The following TAB3 variants were observed in gnomAD, a reference collection of about 807,000 sequenced individuals.
TAB3 encodes TGF-beta-activated kinase 1 and MAP3K7-binding protein 3.
TAB3 carries 18 observed loss-of-function variants against 48.1 expected under a neutral mutation model. The observed-to-expected ratio is 0.37, with a 90% confidence interval of 0.26 to 0.55. The LOEUF is 0.55. TAB3 is among the 20% of genes least tolerant of loss of function. The pLI is 0.78. For missense variants in TAB3, 414 were observed against 549.8 expected, an observed-to-expected ratio of 0.75 and a Z score of 2.47; for synonymous variants, 185 against 190.2, an observed-to-expected ratio of 0.97 and a Z score of 0.22.
At chrX:30,839,326 A>T in intron 9 of TAB3, among the ~76,000 whole-genome samples, 1 of 112,202 alleles carries the variant, frequency 8.9e-6, no homozygotes, top group East Asian at 2.8e-4. Context: ...CTATACCAAG[A>T]TTATATTCCT....
rs1939997029 is a variant in TAB3, at chrX:30,881,460, A to G, written c.-383+7654T>C. 1.8e-5 allele frequency among the ~76,000 whole-genome samples: 2 copies of G among 111,625 alleles called. 1 individual carries two copies. The highest frequency in any genetic ancestry group is 7.4e-4 in the South Asian group (2 of 2,699). ...CTTCAGGGTAAAGCACAAAAATCAG[A>G]TAACAAAATTTTAAAAAGCAATATA... On this transcript the variant is annotated intron_variant, in intron 1 of 10. Transcript: ENST00000288422.
At chrX:30,885,401 T>C (rs1235816464) in intron 1 of TAB3, among the ~76,000 whole-genome samples, 4 of 111,927 alleles carry the variant, frequency 3.6e-5, no homozygotes, top group African/African-American at 6.5e-5. Context: ...CATTCCAACT[T>C]AGGATAACAG....
At chrX:30,860,069 T>C (rs969426262) in intron 4 of TAB3, among the ~76,000 whole-genome samples, 3 of 111,791 alleles carry the variant, frequency 2.7e-5, no homozygotes, top group Non-Finnish European at 5.7e-5. Flanking sequence ...CTGGCCACAT[T>C]TGCAACAATT....
intron 2 of TAB3, among the ~76,000 whole-genome samples, chrX:30,870,692 G>T: frequency 8.9e-6 from 1 of 112,500 alleles, no homozygotes; most frequent in East Asian, 2.8e-4. Flanking sequence ...CCAACCAGGG[G>T]TGACTTTTCC....
chrX:30,873,862 A>C (rs1177740489), intron 1 of TAB3, among the ~76,000 whole-genome samples: 1 of 111,624 alleles, frequency 9.0e-6, no homozygotes, highest in Non-Finnish European at 1.9e-5. Flanking sequence ...ATTACTAGTT[A>C]AGTTCTGGGG....
chrX:30,833,160 C>G (rs2147322530), intron 10 of TAB3, among the ~76,000 whole-genome samples: 1 of 108,662 alleles, frequency 9.2e-6, no homozygotes, highest in African/African-American at 3.4e-5. Flanking sequence ...TTAGTAGAGA[C>G]AGGGTTTCAC....
intron 7 of TAB3, among the ~76,000 whole-genome samples, chrX:30,847,464 C>G (rs1938665919): frequency 9.3e-6 from 1 of 107,347 alleles, no homozygotes; most frequent in Non-Finnish European, 1.9e-5. Flanking sequence ...CCTTTACTTC[C>G]CATGTCATCC....
At chrX:30,887,370 A>G (rs772317753) in intron 1 of TAB3, among the ~76,000 whole-genome samples, 2 of 110,011 alleles carry the variant, frequency 1.8e-5, no homozygotes, top group South Asian at 7.5e-4. Flanking sequence ...ATCTGAAAAG[A>G]AAAAAAAACC....
At chrX:30,850,987 C>T (rs1938824727) in intron 7 of TAB3, among the ~76,000 whole-genome samples, 1 of 111,416 alleles carries the variant, frequency 9.0e-6, no homozygotes, top group African/African-American at 3.3e-5. Flanking sequence ...TTCCAAAGTA[C>T]CCAACTACTA....
chrX:30,873,282 A>G (rs1169502545), intron 1 of TAB3, among the ~76,000 whole-genome samples: 2 of 111,159 alleles, frequency 1.8e-5, no homozygotes, highest in African/African-American at 6.6e-5. Flanking sequence ...TCACGCCTGT[A>G]ATCCCAGCAC....
At chrX:30,841,249 C>T (rs1445254771) in intron 9 of TAB3, among the ~76,000 whole-genome samples, 4 of 111,071 alleles carry the variant, frequency 3.6e-5, no homozygotes, top group South Asian at 3.8e-4. Context: ...GGTGAAACGC[C>T]GTCTCTACTA....
At chrX:30,857,177 C>T (rs754248225) in intron 5 of TAB3, among the ~76,000 whole-genome samples, 1 of 111,548 alleles carries the variant, frequency 9.0e-6, no homozygotes, top group East Asian at 2.8e-4. Flanking sequence ...TGACAAATGG[C>T]AATTATAATC....
intron 9 of TAB3, among the ~76,000 whole-genome samples, chrX:30,841,287 G>C (rs1404009610): frequency 9.0e-6 from 1 of 110,935 alleles, no homozygotes; most frequent in Non-Finnish European, 1.9e-5. Context: ...CGGGCATGGT[G>C]GTGGGTAATC....
chrX:30,867,042 A>C (rs1179525263), intron 4 of TAB3, 73 bp downstream of exon 4: 1 of 110,632 alleles, frequency 9.0e-6, no homozygotes, highest in East Asian at 2.8e-4. Flanking sequence ...TTCCTCCTTA[A>C]AACCCATAAC....
At chrX:30,859,050 T>C (rs1413338157) in intron 5 of TAB3, among the ~76,000 whole-genome samples, 1 of 111,603 alleles carries the variant, frequency 9.0e-6, no homozygotes, top group Non-Finnish European at 1.9e-5. Context: ...TAGGGACTGA[T>C]AGTACAACCC....
chrX:30,876,574 C>T (rs1331811885), intron 1 of TAB3, among the ~76,000 whole-genome samples: 5 of 111,492 alleles, frequency 4.5e-5, no homozygotes, highest in East Asian at 2.8e-4. Flanking sequence ...GGCGTGATCA[C>T]GGCTCACTGC....
chrX:30,858,743 G>T (rs1426268409), intron 5 of TAB3, among the ~76,000 whole-genome samples: 2 of 111,631 alleles, frequency 1.8e-5, no homozygotes, highest in Non-Finnish European at 3.8e-5. Context: ...GGGGACAGTG[G>T]GACAGGGAGA....
At chrX:30,838,943 T>C in intron 9 of TAB3, among the ~76,000 whole-genome samples, 1 of 111,517 alleles carries the variant, frequency 9.0e-6, no homozygotes. Context: ...AATTATGTCA[T>C]CTGTAGTATA....
chrX:30,864,786 AGTGT>A (rs1161661573), intron 4 of TAB3, among the ~76,000 whole-genome samples: 1 of 107,545 alleles, frequency 9.3e-6, no homozygotes, highest in South Asian at 4.0e-4. Flanking sequence ...TGGCCATCAC[AGTGT>A]GTGTGTGTGT....
Sources: gnomAD v4.1 joint callset for allele counts (sites outside exome capture counted in the v4.1 genomes callset) on GRCh38, gnomAD v4.1.1 for gene constraint, MANE v1.5 for transcripts, NCBI Gene and HGNC (gene_info 2026-07-23, HGNC 2026-07-21) for gene names.